Variants in SEMA3A observed in about 807,000 individuals in gnomAD.
SEMA3A encodes semaphorin 3A.
A neutral mutation model predicts 97.9 loss-of-function variants in SEMA3A; 29 were observed. The ratio of observed to expected loss-of-function variants is 0.30; its 90% CI spans 0.22 to 0.40. The LOEUF is 0.40. Ranked by LOEUF, SEMA3A falls within the 10% of genes least tolerant of loss-of-function variation. SEMA3A has a pLI of 1.00. For missense variants in SEMA3A, 763 were observed against 951.3 expected, an observed-to-expected ratio of 0.80 and a Z score of 2.60; for synonymous variants, 321 against 323.7, an observed-to-expected ratio of 0.99 and a Z score of 0.09.
chr7:84,405,296 G>C (rs1804046952), intron 1 of SEMA3A, among the ~76,000 whole-genome samples: 1 of 152,154 alleles, frequency 6.6e-6, no homozygotes, highest in Non-Finnish European at 1.5e-5. Flanking sequence ...AAGAGACAAA[G>C]AAGGCCATTA....
At chr7:84,287,567 T>C (rs1800621954) in intron 3 of SEMA3A, among the ~76,000 whole-genome samples, 1 of 152,178 alleles carries the variant, frequency 6.6e-6, no homozygotes, top group South Asian at 2.1e-4. Context: ...AATTTCCATA[T>C]CACTTCATTC....
chr7:84,265,024 C>A (rs1799955499), intron 3 of SEMA3A, among the ~76,000 whole-genome samples: 1 of 152,122 alleles, frequency 6.6e-6, no homozygotes, highest in South Asian at 2.1e-4. Flanking sequence ...CTACCAATAG[C>A]ACCCACTTCC....
upstream of SEMA3A, among the ~76,000 whole-genome samples, chr7:84,196,707 T>C (rs1798240804): frequency 6.6e-6 from 1 of 152,184 alleles, no homozygotes; most frequent in Non-Finnish European, 1.5e-5. Flanking sequence ...CATGGATTAC[T>C]CTCTATAGAC....
rs10259471 is a variant in SEMA3A, at chr7:84,462,881, T to C, written c.-246+29579A>G. Among the ~76,000 whole-genome samples, 125 of 152,328 alleles carry C rather than the reference T, an allele frequency of 8.2e-4. 1 individual carries two copies. Among genetic ancestry groups the C allele is most frequent in the African/African-American group, 2.8e-3 (118 of 41,582 alleles). ...ATCTCACAAGGTCTCAAAATACCTATGATGGAAATCCTCATCTCTTTCCAG... is the reference window on the plus strand; with the variant it reads ...ATCTCACAAGGTCTCAAAATACCTACGATGGAAATCCTCATCTCTTTCCAG... On this transcript the variant is annotated intron_variant, in intron 1 of 3. Coordinates refer to the SEMA3A transcript ENST00000424555.
chr7:84,103,255 T>A (rs1210344292), intron 4 of SEMA3A, among the ~76,000 whole-genome samples: 3 of 152,132 alleles, frequency 2.0e-5, no homozygotes, highest in Non-Finnish European at 2.9e-5. Flanking sequence ...ACTCTGGCCT[T>A]ACTTTGGTCC....
chr7:84,136,933 G>A (rs958278986), intron 1 of SEMA3A, among the ~76,000 whole-genome samples: 1 of 149,170 alleles, frequency 6.7e-6, no homozygotes, highest in Non-Finnish European at 1.5e-5. Context: ...GGGGAGGAAG[G>A]AAGGGAGGGA....
chr7:84,312,326 T>A (rs916012473), intron 2 of SEMA3A, among the ~76,000 whole-genome samples: 13 of 151,794 alleles, frequency 8.6e-5, no homozygotes, highest in Non-Finnish European at 1.5e-5. Flanking sequence ...AGACTCTACA[T>A]CAGCCTGGAC....
exon 3 of SEMA3A, chr7:84,307,262 T>C (rs1801184104): frequency 6.6e-6 from 1 of 152,126 alleles, no homozygotes; most frequent in African/African-American, 2.4e-5. Flanking sequence ...GTCCAACTTG[T>C]TATTGTAAGT....
At chr7:84,052,136 C>A (rs1792696779) in intron 5 of SEMA3A, among the ~76,000 whole-genome samples, 1 of 151,954 alleles carries the variant, frequency 6.6e-6, no homozygotes, top group Non-Finnish European at 1.5e-5. Flanking sequence ...AGGATTTTTG[C>A]ATCAATGTTC....
At chr7:84,431,797 A>G (rs1048208000) in intron 1 of SEMA3A, among the ~76,000 whole-genome samples, 1 of 152,038 alleles carries the variant, frequency 6.6e-6, no homozygotes, top group Non-Finnish European at 1.5e-5. Flanking sequence ...AGATTCAAAG[A>G]CTTAAGGGTA....
rs566643555 is a variant in SEMA3A, at chr7:84,000,263, A to G, written c.1452+1692T>C. Among the ~76,000 whole-genome samples, 11 of 152,228 alleles carry G rather than the reference A, an allele frequency of 7.2e-5. No individual in the cohort carries two copies. The South Asian group carries it at 2.3e-3, about 32-fold the overall frequency. ...TGTTCATTGGGGTAATCTATGGGACATGGTGATTGATAAGGATTAGTCATC... is the reference window on the plus strand; with the variant it reads ...TGTTCATTGGGGTAATCTATGGGACGTGGTGATTGATAAGGATTAGTCATC... On this transcript the variant is annotated intron_variant, in intron 12 of 16. Coordinates refer to ENST00000265362, the MANE Select transcript of SEMA3A (RefSeq NM_006080.3).
chr7:84,353,471 A>C (rs1802483076), intron 2 of SEMA3A, among the ~76,000 whole-genome samples: 1 of 151,732 alleles, frequency 6.6e-6, no homozygotes, highest in African/African-American at 2.4e-5. Flanking sequence ...CAGAAATAAC[A>C]AATTTTAACA....
chr7:84,406,939 A>G (rs1388921439), intron 1 of SEMA3A, among the ~76,000 whole-genome samples: 2 of 152,322 alleles, frequency 1.3e-5, no homozygotes, highest in East Asian at 3.9e-4. Flanking sequence ...ACCACAGCCA[A>G]TATCATACTG....
intron 6 of SEMA3A, among the ~76,000 whole-genome samples, chr7:84,042,039 G>A (rs780234644): frequency 3.3e-5 from 5 of 152,110 alleles, no homozygotes; most frequent in East Asian, 1.9e-4. Context: ...ATCTGGTAAC[G>A]TGTAATGTTA....
At chr7:84,350,844 C>A (rs1030755942) in intron 2 of SEMA3A, among the ~76,000 whole-genome samples, 1 of 152,044 alleles carries the variant, frequency 6.6e-6, no homozygotes, top group Non-Finnish European at 1.5e-5. Context: ...ATTTCCAAAG[C>A]TTCTTCATGT....
intron 4 of SEMA3A, among the ~76,000 whole-genome samples, chr7:84,080,369 G>A (rs1355993372): frequency 1.3e-5 from 2 of 151,612 alleles, no homozygotes; most frequent in Non-Finnish European, 2.9e-5. Context: ...AAGAAAAAAA[G>A]AGACTACCTA....
chr7:84,122,824 G>C (rs777193182), intron 3 of SEMA3A, among the ~76,000 whole-genome samples: 2 of 152,036 alleles, frequency 1.3e-5, no homozygotes, highest in Non-Finnish European at 2.9e-5. Context: ...CAGTAAACAT[G>C]ATAGACATTA....
At chr7:84,150,443 C>T (rs541336842) in intron 1 of SEMA3A, among the ~76,000 whole-genome samples, 3 of 152,134 alleles carry the variant, frequency 2.0e-5, no homozygotes, top group Non-Finnish European at 2.9e-5. Flanking sequence ...GCAAGGGGTC[C>T]GGGAGTTCCC....
intron 1 of SEMA3A, among the ~76,000 whole-genome samples, chr7:84,480,612 T>C (rs569315248): frequency 1.0e-3 from 158 of 152,262 alleles, no homozygotes; most frequent in African/African-American, 3.6e-3. Flanking sequence ...TAAGGCAAGA[T>C]TGAAGGGCCC....
Sources: allele counts gnomAD v4.1 joint callset (sites outside exome capture counted in the v4.1 genomes callset), GRCh38; gene constraint gnomAD v4.1.1; transcripts MANE v1.5; gene names NCBI Gene and HGNC (gene_info 2026-07-23, HGNC 2026-07-21).